FBXL13: variants seen among roughly 807,000 people sequenced by gnomAD.
FBXL13 encodes F-box and leucine rich repeat protein 13.
In FBXL13, 67 loss-of-function variants were observed where a neutral mutation model predicts 83.6. The ratio of observed to expected loss-of-function variants is 0.80; its 90% CI spans 0.66 to 0.98. The LOEUF is 0.98. FBXL13 is among the 50% of genes least tolerant of loss of function. FBXL13 has a pLI of 0.00. For missense variants in FBXL13, 822 were observed against 866.5 expected, an observed-to-expected ratio of 0.95 and a Z score of 0.64; for synonymous variants, 272 against 299.5, an observed-to-expected ratio of 0.91 and a Z score of 0.95.
intron 6 of FBXL13, among the ~76,000 whole-genome samples, chr7:102,989,945 C>T (rs552548489): frequency 2.1e-4 from 32 of 152,204 alleles, no homozygotes; most frequent in Non-Finnish European, 4.0e-4. Flanking sequence ...CTTAATGTCT[C>T]ATTGACATTT....
intron 2 of FBXL13, among the ~76,000 whole-genome samples, chr7:103,035,843 T>C (rs1795012103): frequency 6.6e-6 from 1 of 152,212 alleles, no homozygotes; most frequent in African/African-American, 2.4e-5. Flanking sequence ...TTAACATAAT[T>C]CACCATATTA....
At chr7:102,844,514 C>T (rs192289100) in intron 17 of FBXL13, among the ~76,000 whole-genome samples, 14 of 152,208 alleles carry the variant, frequency 9.2e-5, no homozygotes, top group Admixed American at 2.0e-4. Flanking sequence ...AAAAGACTGT[C>T]GTAAGAGTGG....
intron 1 of FBXL13, among the ~76,000 whole-genome samples, chr7:103,065,730 A>C (rs1798329683): frequency 6.6e-6 from 1 of 152,204 alleles, no homozygotes; most frequent in Non-Finnish European, 1.5e-5. Context: ...AGATTCAGAG[A>C]ATGTGGAGTG....
At chr7:103,012,015 A>C (rs918961749) in intron 6 of FBXL13, among the ~76,000 whole-genome samples, 4 of 152,176 alleles carry the variant, frequency 2.6e-5, no homozygotes, top group Admixed American at 1.3e-4. Context: ...CTCCTGAAAA[A>C]TGCTACAAAA....
intron 6 of FBXL13, among the ~76,000 whole-genome samples, chr7:103,023,461 G>C (rs1402927229): frequency 6.6e-6 from 1 of 152,124 alleles, no homozygotes; most frequent in Non-Finnish European, 1.5e-5. Context: ...TTATTAAAAA[G>C]TCAGAAAATA....
chr7:103,006,430 A>G (rs193126853), intron 6 of FBXL13, among the ~76,000 whole-genome samples: 4 of 152,238 alleles, frequency 2.6e-5, no homozygotes, highest in African/African-American at 9.6e-5. Flanking sequence ...TGAGAAATTT[A>G]TAAGTTAAAA....
At chr7:102,976,714 A>G (rs1427628863) in intron 6 of FBXL13, among the ~76,000 whole-genome samples, 2 of 152,072 alleles carry the variant, frequency 1.3e-5, no homozygotes, top group East Asian at 1.9e-4. Flanking sequence ...CCATCCCCCA[A>G]GCAGCTCTCA....
At chr7:102,997,781 T>C (rs1452722268) in intron 6 of FBXL13, among the ~76,000 whole-genome samples, 1 of 152,238 alleles carries the variant, frequency 6.6e-6, no homozygotes, top group Non-Finnish European at 1.5e-5. Context: ...CATATTCCAT[T>C]GGGTACGTAT....
At chr7:102,937,809 A>G (rs1820620427) in intron 8 of FBXL13, among the ~76,000 whole-genome samples, 1 of 152,232 alleles carries the variant, frequency 6.6e-6, no homozygotes, top group African/African-American at 2.4e-5. Flanking sequence ...GTTAAAAATC[A>G]TGGCTAGAAT....
chr7:102,960,891 A>T (rs1282578402), intron 8 of FBXL13, among the ~76,000 whole-genome samples: 1 of 152,076 alleles, frequency 6.6e-6, no homozygotes, highest in Non-Finnish European at 1.5e-5. Context: ...CTGAATGGGC[A>T]AACACTGGAA....
At chr7:102,838,445 T>C (rs1407435716) in intron 17 of FBXL13, among the ~76,000 whole-genome samples, 1 of 151,888 alleles carries the variant, frequency 6.6e-6, no homozygotes, top group Non-Finnish European at 1.5e-5. Flanking sequence ...ATGAACACCA[T>C]AGTAAAAAAA....
At chr7:102,903,984 G>T (rs1206968773) in intron 11 of FBXL13, among the ~76,000 whole-genome samples, 2 of 83,228 alleles carry the variant, frequency 2.4e-5, no homozygotes, top group Non-Finnish European at 2.3e-5. Context: ...GTCTGGTTTT[G>T]GCATCAGGGT....
At chr7:102,816,658 G>C (rs1798049010) in intron 19 of FBXL13, among the ~76,000 whole-genome samples, 1 of 152,152 alleles carries the variant, frequency 6.6e-6, no homozygotes, top group Non-Finnish European at 1.5e-5. Flanking sequence ...GTGCAGGTTT[G>C]TTATGTGGGT....
intron 8 of FBXL13, among the ~76,000 whole-genome samples, chr7:102,954,147 CA>C (rs1386679666): frequency 6.6e-6 from 1 of 152,134 alleles, no homozygotes; most frequent in East Asian, 1.9e-4. Context: ...CCAGGAAGCA[CA>C]AGGGGTCGGG....
chr7:103,067,334 A>C (rs557795414), intron 1 of FBXL13, among the ~76,000 whole-genome samples: 1 of 152,252 alleles, frequency 6.6e-6, no homozygotes, highest in South Asian at 2.1e-4. Flanking sequence ...CGTATTTGAA[A>C]GTGATCATAA....
At chr7:103,039,481 C>A (rs182130921) in intron 2 of FBXL13, among the ~76,000 whole-genome samples, 296 of 152,258 alleles carry the variant, frequency 1.9e-3, no homozygotes, top group African/African-American at 6.6e-3. Flanking sequence ...GACACCAACA[C>A]AAAGATACGC....
At chr7:102,816,236 C>T (rs1797983959) in intron 19 of FBXL13, 1 of 152,314 alleles carries the variant, frequency 6.6e-6, no homozygotes, top group South Asian at 2.1e-4. Flanking sequence ...ACTCTCCTTC[C>T]AGACTCAAGT....
intron 17 of FBXL13, among the ~76,000 whole-genome samples, chr7:102,834,948 T>C (rs1801612605): frequency 6.6e-6 from 1 of 151,942 alleles, no homozygotes; most frequent in Non-Finnish European, 1.5e-5. Context: ...TTCATAAATA[T>C]ATACAATTTT....
chr7:102,886,918 A>C (rs957235846), intron 11 of FBXL13, among the ~76,000 whole-genome samples: 6 of 152,184 alleles, frequency 3.9e-5, no homozygotes, highest in African/African-American at 1.4e-4. Context: ...GTTGGATTAT[A>C]TTTGGACAAT....
Sources: gnomAD v4.1 joint callset for allele counts (sites outside exome capture counted in the v4.1 genomes callset) on GRCh38, gnomAD v4.1.1 for gene constraint, MANE v1.5 for transcripts, NCBI Gene and HGNC (gene_info 2026-07-23, HGNC 2026-07-21) for gene names.